The following CHSY3 variants were observed in gnomAD, a reference collection of about 807,000 sequenced individuals.
The protein encoded by CHSY3 is N-acetylgalactosaminyl-proteoglycan 3-beta-glucuronosyltransferase 3.
CHSY3 carries 35 observed loss-of-function variants against 67.2 expected under a neutral mutation model. That is an observed-to-expected ratio of 0.52 (90% CI 0.40 to 0.69). The LOEUF is 0.69. CHSY3 is among the 30% of genes least tolerant of loss of function. The pLI is 0.00. For synonymous variants in CHSY3, 474 were observed against 434.7 expected (o/e 1.09, Z -1.12); for missense variants, 1,069 against 1,138.5 (o/e 0.94, Z 0.88).
intron 1 of CHSY3, among the ~76,000 whole-genome samples, chr5:129,907,120 G>T (rs1760335493): frequency 6.6e-6 from 1 of 152,172 alleles, no homozygotes; most frequent in Non-Finnish European, 1.5e-5. Context: ...TTTCCTGGCA[G>T]AAGTTTGCCA....
chr5:129,928,388 G>T (rs192837332), intron 2 of CHSY3, among the ~76,000 whole-genome samples: 3 of 151,892 alleles, frequency 2.0e-5, no homozygotes, highest in Admixed American at 2.0e-4. Context: ...TTAACAGTTT[G>T]GTAGATAATG....
chr5:130,046,840 A>G (rs1389435233), intron 2 of CHSY3, among the ~76,000 whole-genome samples: 1 of 152,110 alleles, frequency 6.6e-6, no homozygotes, highest in Non-Finnish European at 1.5e-5. Context: ...CTTAAATGGC[A>G]GCAAGTTAAT....
intron 2 of CHSY3, among the ~76,000 whole-genome samples, chr5:130,099,020 A>G (rs1258330683): frequency 1.3e-5 from 2 of 152,308 alleles, no homozygotes; most frequent in South Asian, 2.1e-4. Flanking sequence ...TTCATTCTCC[A>G]CTAAGCATGC....
intron 2 of CHSY3, among the ~76,000 whole-genome samples, chr5:129,961,113 A>G (rs1222646407): frequency 6.6e-6 from 1 of 152,110 alleles, no homozygotes; most frequent in Non-Finnish European, 1.5e-5. Flanking sequence ...CGGGCAATGG[A>G]AATTACAGCT....
intron 2 of CHSY3, among the ~76,000 whole-genome samples, chr5:130,122,788 A>G (rs1268131082): frequency 6.6e-6 from 1 of 152,232 alleles, no homozygotes; most frequent in African/African-American, 2.4e-5. Context: ...TTAAAGCCTA[A>G]GTGTGTTTTT....
At chr5:130,027,665 C>T (rs1323910701) in intron 2 of CHSY3, among the ~76,000 whole-genome samples, 1 of 149,892 alleles carries the variant, frequency 6.7e-6, no homozygotes, top group Non-Finnish European at 1.5e-5. Context: ...TGTTCCCCTT[C>T]CTGTGTCCAA....
chr5:130,178,240 T>A (rs1249823086), intron 2 of CHSY3, among the ~76,000 whole-genome samples: 11 of 68,368 alleles, frequency 1.6e-4, no homozygotes, highest in Non-Finnish European at 2.8e-4. Flanking sequence ...TATATATATA[T>A]ATATATATAT....
chr5:130,058,634 A>G (rs1765612541), intron 2 of CHSY3, among the ~76,000 whole-genome samples: 1 of 152,226 alleles, frequency 6.6e-6, no homozygotes, highest in Non-Finnish European at 1.5e-5. Context: ...CTCAAAAAGA[A>G]AAAAGAGGAA....
chr5:130,059,262 T>G (rs564265557), intron 2 of CHSY3, among the ~76,000 whole-genome samples: 54 of 152,242 alleles, frequency 3.5e-4, no homozygotes, highest in Non-Finnish European at 2.8e-4. Flanking sequence ...AATGTCAGAC[T>G]TAGGACTGCA....
intron 2 of CHSY3, among the ~76,000 whole-genome samples, chr5:129,912,425 C>T (rs1192746247): frequency 6.6e-6 from 1 of 152,098 alleles, no homozygotes; most frequent in African/African-American, 2.4e-5. Flanking sequence ...GTGGGAACCT[C>T]CTCCTGGTGT....
rs1274638149 is a variant in CHSY3, at chr5:130,134,461, A to T, written c.1087-49768A>T. On this transcript the variant is annotated intron_variant, in intron 2 of 2. Transcript: ENST00000305031. ...TAGCATTATTCTGAATCCTGTTGAC[A>T]TTCACCAATTGTAATATCTTATCAT... Among the ~76,000 whole-genome samples, 36 of 152,208 alleles carry T rather than the reference A, an allele frequency of 2.4e-4. 1 individual carries two copies.
At chr5:129,912,804 G>A (rs1353045323) in intron 2 of CHSY3, among the ~76,000 whole-genome samples, 1 of 152,134 alleles carries the variant, frequency 6.6e-6, no homozygotes, top group African/African-American at 2.4e-5. Context: ...CTGGTTCTTT[G>A]TGTGCCTGTG....
intron 2 of CHSY3, among the ~76,000 whole-genome samples, chr5:129,999,878 C>A (rs1281816736): frequency 6.6e-6 from 1 of 152,000 alleles, no homozygotes; most frequent in Non-Finnish European, 1.5e-5. Flanking sequence ...TTTGTGACAA[C>A]ATCTAGGTTA....
chr5:129,975,970 G>A (rs571560250), intron 2 of CHSY3, among the ~76,000 whole-genome samples: 1 of 152,220 alleles, frequency 6.6e-6, no homozygotes, highest in African/African-American at 2.4e-5. Context: ...TCAGTAAGCA[G>A]TTGTGTTCAG....
chr5:129,976,618 C>A lies in CHSY3; in HGVS notation c.1086+68258C>A, dbSNP rs550957591. Among the ~76,000 whole-genome samples the A allele has an allele frequency of 8.2e-4, 124 of 152,008 alleles. 1 individual carries two copies. Among genetic ancestry groups the A allele is most frequent in the African/African-American group, 2.8e-3 (118 of 41,518 alleles). ...TTTAGGAGTATTTAATATAGAACTT[C>A]CTGATTGGAAGACTTACATATACCT... On this transcript the variant is annotated intron_variant, in intron 2 of 2. Transcript: ENST00000305031.
At chr5:130,016,399 G>A (rs1764220081) in intron 2 of CHSY3, among the ~76,000 whole-genome samples, 1 of 152,036 alleles carries the variant, frequency 6.6e-6, no homozygotes. Context: ...ATTAGTAGTA[G>A]TATTTTATTT....
intron 2 of CHSY3, among the ~76,000 whole-genome samples, chr5:130,132,760 T>C (rs935955758): frequency 2.6e-5 from 4 of 152,188 alleles, no homozygotes; most frequent in African/African-American, 7.2e-5. Context: ...ATTGTCATAA[T>C]TGGGGGACTC....
At chr5:130,111,740 T>C (rs184537628) in intron 2 of CHSY3, among the ~76,000 whole-genome samples, 126 of 152,196 alleles carry the variant, frequency 8.3e-4, no homozygotes, top group African/African-American at 2.9e-3. Flanking sequence ...TCTGCCAAGA[T>C]TGGGAACCAA....
intron 2 of CHSY3, among the ~76,000 whole-genome samples, chr5:130,119,092 T>C (rs1047172516): frequency 1.3e-5 from 2 of 152,142 alleles, no homozygotes; most frequent in African/African-American, 2.4e-5. Context: ...AATGTGGTCA[T>C]TCTACCTTAA....
Sources: allele counts gnomAD v4.1 joint callset (sites outside exome capture counted in the v4.1 genomes callset), GRCh38; gene constraint gnomAD v4.1.1; transcripts MANE v1.5; gene names NCBI Gene and HGNC (gene_info 2026-07-23, HGNC 2026-07-21).